RNF216: variants seen among roughly 807,000 people sequenced by gnomAD.
RNF216 encodes the protein ring finger protein 216.
In RNF216, 72 loss-of-function variants were observed where a neutral mutation model predicts 110.8. That is an observed-to-expected ratio of 0.65 (90% CI 0.54 to 0.79). The LOEUF is 0.79. Among genes scored for constraint, RNF216 ranks in the 30% least tolerant of loss-of-function variants. The probability of loss-of-function intolerance (pLI) is 0.00; values close to 1 mark genes in which losing one functional copy is unlikely to be tolerated. For synonymous variants in RNF216, 495 were observed against 407.5 expected (o/e 1.21, Z -2.59); for missense variants, 1,342 against 1,141.2 (o/e 1.18, Z -2.54).
intron 5 of RNF216, 54 bp downstream of exon 5, chr7:5,739,222 A>C: frequency 6.8e-7 from 1 of 1,469,002 alleles, no homozygotes; most frequent in South Asian, 1.5e-5. Context: ...TTTTTATTAC[A>C]TATATTTTAC....
intron 15 of RNF216, among the ~76,000 whole-genome samples, chr7:5,637,478 T>C (rs999373904): frequency 3.3e-5 from 5 of 152,136 alleles, no homozygotes. Flanking sequence ...ATTCCTGAAA[T>C]AGAGAACACC....
At chr7:5,668,863 G>A (rs1175232119) in intron 13 of RNF216, among the ~76,000 whole-genome samples, 3 of 152,054 alleles carry the variant, frequency 2.0e-5, no homozygotes, top group South Asian at 4.1e-4. Flanking sequence ...TCTTTACTAC[G>A]GGAAATAGTA....
intron 5 of RNF216, among the ~76,000 whole-genome samples, chr7:5,736,245 G>A (rs1235813040): frequency 6.6e-6 from 1 of 152,170 alleles, no homozygotes; most frequent in Non-Finnish European, 1.5e-5. Context: ...AGCCTGCCGA[G>A]TGCCTGTGAT....
rs74457480 is a variant in RNF216, at chr7:5,694,683, T to C, written c.2061+17078A>G. Among the ~76,000 whole-genome samples, 29 of 152,296 alleles carry C rather than the reference T, an allele frequency of 1.9e-4. 1 individual carries two copies. The South Asian group carries it at 3.9e-3, about 21-fold the overall frequency. On this transcript the variant is annotated intron_variant, in intron 13 of 16. Coordinates refer to ENST00000389902, the MANE Select transcript of RNF216 (RefSeq NM_207111.4). Reference sequence around the variant, plus strand: ...GGACCTGCCTGCCCTGGAGCAGAGATGTGTATGGTGGCCATGCCCTTCAGC... The same window carrying C: ...GGACCTGCCTGCCCTGGAGCAGAGACGTGTATGGTGGCCATGCCCTTCAGC...
intron 8 of RNF216, among the ~76,000 whole-genome samples, chr7:5,724,910 C>A (rs1379612973): frequency 6.6e-6 from 1 of 152,136 alleles, no homozygotes; most frequent in African/African-American, 2.4e-5. Flanking sequence ...TTTGGAGAAA[C>A]GTGGCTATTA....
chr7:5,705,847 T>A (rs1175886051), intron 13 of RNF216, among the ~76,000 whole-genome samples: 1 of 150,384 alleles, frequency 6.6e-6, no homozygotes, highest in Non-Finnish European at 1.5e-5. Flanking sequence ...GCGGAGGTTA[T>A]GGTGAGCCAA....
intron 13 of RNF216, among the ~76,000 whole-genome samples, chr7:5,703,801 T>C (rs1792119538): frequency 6.6e-6 from 1 of 152,176 alleles, no homozygotes; most frequent in South Asian, 2.1e-4. Flanking sequence ...GCTTCATGAG[T>C]GTGCCTAAAC....
At chr7:5,627,475 C>T (rs1346539128) in intron 15 of RNF216, among the ~76,000 whole-genome samples, 4 of 152,190 alleles carry the variant, frequency 2.6e-5, no homozygotes, top group African/African-American at 4.8e-5. Context: ...ACTAGACACT[C>T]GGTGGTTCAC....
intron 15 of RNF216, among the ~76,000 whole-genome samples, chr7:5,629,604 G>A (rs956009789): frequency 1.3e-5 from 2 of 152,010 alleles, no homozygotes; most frequent in East Asian, 3.9e-4. Context: ...CGAGGCGGGC[G>A]GATCACGACG....
At position 5,725,310 on chromosome 7, in the gene RNF216, AC is replaced by A. The variant is rs1335065257; in HGVS notation, c.1504+13del. On this transcript the variant is annotated intron_variant, in intron 8 of 16. Coordinates refer to ENST00000389902, the MANE Select transcript of RNF216 (RefSeq NM_207111.4). ...GTTGCAGCTACACACTGCCACCAACACAGTTTGCATTACCTTGTTCAAACTT... is the reference window on the plus strand; with the variant it reads ...GTTGCAGCTACACACTGCCACCAACAAGTTTGCATTACCTTGTTCAAACTT... The A allele has an allele frequency of 7.0e-7, 1 of 1,430,526 alleles. No individual in the cohort carries two copies. Among genetic ancestry groups the A allele is most frequent in the Non-Finnish European group, 9.9e-7 (1 of 1,013,034 alleles). 88.6% of individuals were successfully genotyped at this position (1,430,526 alleles called of 1,614,324 possible).
intron 13 of RNF216, among the ~76,000 whole-genome samples, chr7:5,673,233 C>G (rs1194945536): frequency 6.6e-6 from 1 of 152,186 alleles, no homozygotes; most frequent in Non-Finnish European, 1.5e-5. Context: ...TCTATGAAGC[C>G]ACAAGGTGTA....
intron 13 of RNF216, among the ~76,000 whole-genome samples, chr7:5,681,507 G>C (rs909674182): frequency 3.9e-5 from 6 of 152,080 alleles, no homozygotes; most frequent in Non-Finnish European, 8.8e-5. Flanking sequence ...TATTCCAAGG[G>C]GTGTTCTCAA....
At chr7:5,642,730 C>T (rs1787814196) in intron 14 of RNF216, among the ~76,000 whole-genome samples, 1 of 152,156 alleles carries the variant, frequency 6.6e-6, no homozygotes. Context: ...CCGCCTGCCT[C>T]AGCCTCCCAA....
chr7:5,731,009 A>G (rs1338290388), intron 5 of RNF216, among the ~76,000 whole-genome samples, 192 bp from the exon 6 acceptor site: 2 of 152,240 alleles, frequency 1.3e-5, no homozygotes, highest in African/African-American at 4.8e-5. Context: ...TATCTTTGTG[A>G]AAGACAAAAA....
intron 13 of RNF216, among the ~76,000 whole-genome samples, chr7:5,671,699 G>T (rs1333000262): frequency 6.6e-6 from 1 of 150,980 alleles, no homozygotes; most frequent in African/African-American, 2.4e-5. Flanking sequence ...CAGCTATTTG[G>T]AAGGCTGAGG....
chr7:5,683,795 T>C (rs1433956128), intron 13 of RNF216, among the ~76,000 whole-genome samples: 2 of 152,174 alleles, frequency 1.3e-5, no homozygotes, highest in Non-Finnish European at 2.9e-5. Context: ...TCAGTGTCTA[T>C]GGATAAAACC....
chr7:5,641,762 T>C (rs1037573772), intron 14 of RNF216, among the ~76,000 whole-genome samples: 6 of 152,056 alleles, frequency 3.9e-5, no homozygotes, highest in Admixed American at 1.3e-4. Context: ...AGGCTGAGCA[T>C]GGTGGTGCAC....
intron 1 of RNF216, among the ~76,000 whole-genome samples, chr7:5,763,817 T>G (rs1345458244): frequency 1.3e-5 from 2 of 152,150 alleles, no homozygotes; most frequent in Non-Finnish European, 2.9e-5. Flanking sequence ...AAGCATTCCT[T>G]CTGCCTTGGC....
chr7:5,669,045 G>C (rs543194631), intron 13 of RNF216, among the ~76,000 whole-genome samples: 116 of 152,298 alleles, frequency 7.6e-4, no homozygotes, highest in African/African-American at 2.7e-3. Flanking sequence ...ATTATAAAGA[G>C]CATTAGAGAG....
Sources: allele counts gnomAD v4.1 joint callset (sites outside exome capture counted in the v4.1 genomes callset), GRCh38; gene constraint gnomAD v4.1.1; transcripts MANE v1.5; gene names NCBI Gene and HGNC (gene_info 2026-07-23, HGNC 2026-07-21).